Variants in TPTE2 observed in about 807,000 individuals in gnomAD.
The protein encoded by TPTE2 is transmembrane phosphoinositide 3-phosphatase and tensin homolog 2, also known as phosphatidylinositol 3,4,5-trisphosphate 3-phosphatase TPTE2.
In TPTE2, 53 loss-of-function variants were observed where a neutral mutation model predicts 78.6. That is an observed-to-expected ratio of 0.67 (90% CI 0.54 to 0.85). TPTE2 has a LOEUF of 0.85. Among genes scored for constraint, TPTE2 ranks in the 40% least tolerant of loss-of-function variants. The pLI, the probability that TPTE2 is intolerant of heterozygous loss-of-function variation, is 0.00. For synonymous variants in TPTE2, 175 were observed against 206.2 expected, an observed-to-expected ratio of 0.85 and a Z score of 1.30; for missense variants, 461 against 623.0, an observed-to-expected ratio of 0.74 and a Z score of 2.77.
chr13:19,525,486 C>T (rs1013637507), intron 1 of TPTE2, among the ~76,000 whole-genome samples: 5 of 152,168 alleles, frequency 3.3e-5, no homozygotes, highest in African/African-American at 7.2e-5. Context: ...GGATAACTGA[C>T]TAGCCATATG....
the TPTE2 span, among the ~76,000 whole-genome samples, chr13:19,548,660 T>C: frequency 5.9e-5 from 9 of 151,482 alleles, no homozygotes; most frequent in South Asian, 1.3e-3. Context: ...ACTAGCCATA[T>C]GCAGAAGACT....
chr13:19,551,978 G>A, the TPTE2 span, among the ~76,000 whole-genome samples: 1 of 152,140 alleles, frequency 6.6e-6, no homozygotes, highest in East Asian at 1.9e-4. Flanking sequence ...AAATAGCATA[G>A]TAATACTGTT....
chr13:19,493,954 T>C (rs1881159971), intron 1 of TPTE2, among the ~76,000 whole-genome samples: 1 of 152,102 alleles, frequency 6.6e-6, no homozygotes, highest in African/African-American at 2.4e-5. Context: ...CACAATCCAA[T>C]AGGATTTGAG....
intron 13 of TPTE2, among the ~76,000 whole-genome samples, chr13:19,446,986 T>C (rs1403323307): frequency 1.3e-5 from 2 of 151,932 alleles, no homozygotes; most frequent in African/African-American, 4.8e-5. Context: ...ACAAAATAAA[T>C]CACCATCAAA....
At chr13:19,443,586 T>TA (rs1877627270) in intron 13 of TPTE2, among the ~76,000 whole-genome samples, 1 of 152,030 alleles carries the variant, frequency 6.6e-6, no homozygotes, top group South Asian at 2.1e-4. Context: ...TATTTTTTAG[T>TA]AGAGACAGGG....
At chr13:19,478,787 T>G (rs569848495) in intron 4 of TPTE2, among the ~76,000 whole-genome samples, 36 of 152,128 alleles carry the variant, frequency 2.4e-4, no homozygotes, top group African/African-American at 7.5e-4. Context: ...TAGACTGGAT[T>G]AAGAAAATGT....
At chr13:19,498,473 A>C (rs1881537488) in intron 1 of TPTE2, among the ~76,000 whole-genome samples, 1 of 152,174 alleles carries the variant, frequency 6.6e-6, no homozygotes, top group South Asian at 2.1e-4. Flanking sequence ...TACAAGCCAG[A>C]AGAGAGTGGG....
chr13:19,455,745 G>A (rs1285730196), intron 10 of TPTE2, among the ~76,000 whole-genome samples: 1 of 152,096 alleles, frequency 6.6e-6, no homozygotes, highest in African/African-American at 2.4e-5. Flanking sequence ...AATAAAAAAG[G>A]TTGGTTTAAC....
At chr13:19,437,087 T>C (rs1240243385) in intron 14 of TPTE2, among the ~76,000 whole-genome samples, 1 of 150,060 alleles carries the variant, frequency 6.7e-6, no homozygotes, top group Admixed American at 6.7e-5. Context: ...TTAAACCTTT[T>C]GATATTTTCT....
At chr13:19,533,818 G>C (rs998827433) in intron 1 of TPTE2, among the ~76,000 whole-genome samples, 7 of 152,178 alleles carry the variant, frequency 4.6e-5, no homozygotes, top group African/African-American at 1.7e-4. Context: ...TAGAATTGTT[G>C]ACAATTAAGG....
At chr13:19,469,052 T>C (rs1459183879) in intron 6 of TPTE2, among the ~76,000 whole-genome samples, 2 of 152,210 alleles carry the variant, frequency 1.3e-5, no homozygotes, top group African/African-American at 2.4e-5. Context: ...CATTTTTGCT[T>C]TGGTTGCCTG....
chr13:19,537,937 C>T (rs1871302697), upstream of TPTE2, among the ~76,000 whole-genome samples: 1 of 152,020 alleles, frequency 6.6e-6, no homozygotes, highest in African/African-American at 2.4e-5. Context: ...TATTTTTCCT[C>T]TGGGCAAAAG....
intron 9 of TPTE2, 74 bp from the exon 13 acceptor site, chr13:19,464,594 A>T (rs1396971515): frequency 2.7e-6 from 4 of 1,491,954 alleles, no homozygotes; most frequent in Non-Finnish European, 3.6e-6. Context: ...TAATTTATAC[A>T]TGATCAGACT....
At chr13:19,498,291 C>T (rs1040371639) in intron 1 of TPTE2, among the ~76,000 whole-genome samples, 5 of 150,706 alleles carry the variant, frequency 3.3e-5, no homozygotes, top group African/African-American at 1.2e-4. Context: ...TCAGGAAATA[C>T]AGAGAACGCC....
chr13:19,431,141 GA>G (rs1876568222), intron 16 of TPTE2, among the ~76,000 whole-genome samples: 1 of 149,038 alleles, frequency 6.7e-6, no homozygotes, highest in South Asian at 2.1e-4. Flanking sequence ...AAAAAAAAAA[GA>G]AAAAGAAAAA....
At position 19,433,803 on chromosome 13, in the gene TPTE2, C is replaced by T. The variant is rs187354350; in HGVS notation, c.1117-1225G>A. Among the ~76,000 whole-genome samples the T allele has an allele frequency of 1.4e-3, 209 of 152,268 alleles. 1 individual carries two copies. Among genetic ancestry groups the T allele is most frequent in the East Asian group, 4.1e-3 (21 of 5,172 alleles). The stretch of plus-strand genomic sequence containing the variant: ...CAGCTGAGTCCCTGTGTTGCTTTTT[C>T]GGTGAATCAGAAGAGATTCAGTTGC... On this transcript the variant is annotated intron_variant, in intron 15 of 19. Coordinates refer to ENST00000400230, the Ensembl canonical transcript of TPTE2.
chr13:19,455,014 C>CCTGGTCACATTACTCCA (rs530735892), intron 10 of TPTE2, among the ~76,000 whole-genome samples: 10 of 152,234 alleles, frequency 6.6e-5, no homozygotes, highest in African/African-American at 2.2e-4. Flanking sequence ...TCCAGTGGAC[C>CCTGGTCACATTACTCCA]CTGGTCACAT....
intron 13 of TPTE2, among the ~76,000 whole-genome samples, chr13:19,442,157 A>G (rs1877541540): frequency 6.6e-6 from 1 of 152,274 alleles, no homozygotes; most frequent in Admixed American, 6.5e-5. Context: ...ACATTTGACA[A>G]TATCAACCAA....
At chr13:19,516,265 T>C (rs1869785879) in intron 1 of TPTE2, among the ~76,000 whole-genome samples, 1 of 152,152 alleles carries the variant, frequency 6.6e-6, no homozygotes, top group South Asian at 2.1e-4. Context: ...TAACAAAACA[T>C]TCAGTAGCAA....
Sources: gnomAD v4.1 joint callset for allele counts (sites outside exome capture counted in the v4.1 genomes callset) on GRCh38, gnomAD v4.1.1 for gene constraint, MANE v1.5 for transcripts, NCBI Gene and HGNC (gene_info 2026-07-23, HGNC 2026-07-21) for gene names.